The following HDAC4 variants were observed in gnomAD, a reference collection of about 807,000 sequenced individuals.
HDAC4 encodes the protein histone deacetylase 4.
A neutral mutation model predicts 135.1 loss-of-function variants in HDAC4; 16 were observed. The observed-to-expected ratio is 0.12, with a 90% CI of 0.08 to 0.18. The LOEUF (loss-of-function observed/expected upper bound fraction) is 0.18. Ranked by LOEUF, HDAC4 falls within the 10% of genes least tolerant of loss-of-function variation. HDAC4 has a pLI of 1.00. For synonymous variants in HDAC4, 685 were observed against 653.4 expected (o/e 1.05, Z -0.74); for missense variants, 1,143 against 1,511.8 (o/e 0.76, Z 4.05).
chr2:239,199,940 G>A lies in HDAC4; in HGVS notation c.95-9863C>T, dbSNP rs564265964. ...TTTTCAGTAGAGGCGGGGTTTCACC[G>A]TGTTGGCCAGGATGGTCTCGATCTC... On this transcript the variant is annotated intron_variant, in intron 3 of 26. Transcript: ENST00000543185. Among the ~76,000 whole-genome samples, 27 of 152,118 alleles carry A rather than the reference G, an allele frequency of 1.8e-4. No individual in the cohort carries two copies. In the South Asian group the frequency reaches 5.0e-3, roughly 28 times the overall value.
intron 2 of HDAC4, among the ~76,000 whole-genome samples, chr2:239,264,806 G>C (rs2049616269): frequency 6.6e-6 from 1 of 152,182 alleles, no homozygotes; most frequent in South Asian, 2.1e-4. Context: ...GGGGACACCT[G>C]GCCCACTGCT....
chr2:239,209,937 C>A (rs675093), intron 3 of HDAC4, among the ~76,000 whole-genome samples: 82,750 of 151,970 alleles, frequency 0.54, 23,656 homozygotes, highest in South Asian at 0.72. Flanking sequence ...CCCTGGAGAC[C>A]CCACTTTACG....
At chr2:239,390,901 A>G (rs1028004714) in intron 1 of HDAC4, among the ~76,000 whole-genome samples, 4 of 152,358 alleles carry the variant, frequency 2.6e-5, no homozygotes, top group Middle Eastern at 3.4e-3. Context: ...GAAGCAGTGA[A>G]GACGGGACAG....
At chr2:239,135,505 A>G (rs1438528348) in intron 9 of HDAC4, among the ~76,000 whole-genome samples, 1 of 152,246 alleles carries the variant, frequency 6.6e-6, no homozygotes, top group East Asian at 1.9e-4. Context: ...CTTTTGAAAC[A>G]TGGTAATACC....
At chr2:239,229,238 A>G (rs1166948393) in intron 3 of HDAC4, among the ~76,000 whole-genome samples, 2 of 152,258 alleles carry the variant, frequency 1.3e-5, no homozygotes, top group East Asian at 3.8e-4. Flanking sequence ...AAGCATTTCT[A>G]AATTGCTCAT....
chr2:239,387,575 C>G (rs1695906709), intron 1 of HDAC4, among the ~76,000 whole-genome samples: 1 of 152,236 alleles, frequency 6.6e-6, no homozygotes, highest in South Asian at 2.1e-4. Flanking sequence ...TGTCTTCAGG[C>G]AGCATCTGTG....
intron 11 of HDAC4, among the ~76,000 whole-genome samples, chr2:239,132,755 G>A (rs1282210894): frequency 6.6e-6 from 1 of 152,244 alleles, no homozygotes; most frequent in Admixed American, 6.5e-5. Context: ...TAATCGTGCA[G>A]AATAAACTGA....
intron 1 of HDAC4, among the ~76,000 whole-genome samples, chr2:239,358,766 T>A (rs1451902118): frequency 6.6e-6 from 1 of 152,214 alleles, no homozygotes; most frequent in Non-Finnish European, 1.5e-5. Flanking sequence ...GTTCCTATTA[T>A]CTACAGTATC....
In HDAC4 at chr2:239,124,769, C is replaced by CCGG. The variant is rs1559475578; in HGVS notation, c.1533+1686_1533+1687insCCG. Among the ~76,000 whole-genome samples, 21 of 117,440 alleles carry CCGG rather than the reference C, an allele frequency of 1.8e-4. 4 individuals carry two copies. Among genetic ancestry groups the CCGG allele is most frequent in the Non-Finnish European group, 2.2e-4 (12 of 54,556 alleles). 77.0% of individuals were successfully genotyped at this position (117,440 alleles called of 152,430 possible). A position where few individuals can be genotyped will look rare whatever the true frequency, so the allele number is the denominator to read the frequency against. ...ATGACATTCCATGTTATGTGACATT[C>CCGG]TGGTGTGCTGGCGTGTGGCCGCGTT... is the stretch of plus-strand genomic sequence containing the variant. On this transcript the variant is annotated intron_variant, in intron 12 of 26. Coordinates refer to ENST00000543185, the MANE Select transcript of HDAC4 (RefSeq NM_001378414.1).
Position 239,230,368 on chromosome 2 carries a change from C to CAAAAAAAAAAAAAAAAAA in HDAC4, c.94+6207_94+6224dup, listed in dbSNP as rs56105562. Among the ~76,000 whole-genome samples the CAAAAAAAAAAAAAAAAAA allele has an allele frequency of 3.8e-5, 3 of 79,358 alleles. 1 individual carries two copies. The highest frequency in any genetic ancestry group is 1.0e-4 in the African/African-American group (2 of 19,352). 52.1% of individuals were successfully genotyped at this position (79,358 alleles called of 152,430 possible). On this transcript the variant is annotated intron_variant, in intron 3 of 26. Coordinates refer to ENST00000543185, the MANE Select transcript of HDAC4 (RefSeq NM_001378414.1). ...TAAAAATTAAAACAAAGCAAGCAAG[C>CAAAAAAAAAAAAAAAAAA]AAAAAAAAAAAAAAAAAAAAAAGCA...
At chr2:239,281,691 C>T (rs2050765734) in intron 2 of HDAC4, among the ~76,000 whole-genome samples, 2 of 150,470 alleles carry the variant, frequency 1.3e-5, no homozygotes, top group South Asian at 4.2e-4. Flanking sequence ...GTACACACTA[C>T]TCTACACGCA....
Position 239,259,700 on chromosome 2 carries a change from T to C in HDAC4, c.23-23036A>G, listed in dbSNP as rs77740019. Among the ~76,000 whole-genome samples, 1,019 of 152,298 alleles carry C rather than the reference T, an allele frequency of 6.7e-3. 19 individuals are homozygous for C. The East Asian group carries it at 0.076, about 11-fold the overall frequency. ...AACTTACTGAAACAGAAAAGAGATA[T>C]AGACCGAAGTGACAAAACCAAAACC... On this transcript the variant is annotated intron_variant, in intron 2 of 26. Transcript: ENST00000543185.
At chr2:239,373,185 C>G (rs1015619518) in intron 1 of HDAC4, among the ~76,000 whole-genome samples, 1 of 152,182 alleles carries the variant, frequency 6.6e-6, no homozygotes, top group African/African-American at 2.4e-5. Flanking sequence ...TCTAAAGAGG[C>G]TGCAGCCGCG....
intron 6 of HDAC4, among the ~76,000 whole-genome samples, chr2:239,157,456 C>T (rs1371182125): frequency 6.6e-6 from 1 of 152,210 alleles, no homozygotes; most frequent in African/African-American, 2.4e-5. Flanking sequence ...TCCACACCCT[C>T]CAGGCAGCAA....
At chr2:239,318,168 ATACCTGCTAAT>A in intron 2 of HDAC4, among the ~76,000 whole-genome samples, 1 of 152,264 alleles carries the variant, frequency 6.6e-6, no homozygotes, top group East Asian at 1.9e-4. Flanking sequence ...TCCCTACCAG[ATACCTGCTAAT>A]TATGCAGGAA....
intron 1 of HDAC4, among the ~76,000 whole-genome samples, chr2:239,389,313 C>T (rs1407453749): frequency 6.6e-6 from 1 of 152,218 alleles, no homozygotes; most frequent in East Asian, 1.9e-4. Flanking sequence ...CACAATAAAT[C>T]TTGCTGCTGT....
At chr2:239,201,623 C>A (rs566384831) in intron 3 of HDAC4, among the ~76,000 whole-genome samples, 139 of 152,274 alleles carry the variant, frequency 9.1e-4, no homozygotes, top group African/African-American at 3.1e-3. Context: ...CTGCTCAAGG[C>A]CGAGACAACA....
intron 16 of HDAC4, chr2:239,102,560 A>G (rs2037761714): frequency 5.2e-6 from 3 of 579,126 alleles, no homozygotes; most frequent in African/African-American, 3.7e-5. Context: ...AACGGTTCTC[A>G]GCCCAGTTTT....
intron 3 of HDAC4, 27 bp from the exon 4 acceptor site, chr2:239,190,104 G>T (rs749186702): frequency 6.3e-7 from 1 of 1,592,380 alleles, no homozygotes; most frequent in Non-Finnish European, 8.5e-7. Flanking sequence ...CAGGAGAGCC[G>T]GTCACTGCCG....
Sources: gnomAD v4.1 joint callset for allele counts (sites outside exome capture counted in the v4.1 genomes callset) on GRCh38, gnomAD v4.1.1 for gene constraint, MANE v1.5 for transcripts, NCBI Gene and HGNC (gene_info 2026-07-23, HGNC 2026-07-21) for gene names.